The following PAPPA variants were observed in gnomAD, a reference collection of about 807,000 sequenced individuals.
PAPPA encodes the protein pappalysin 1.
A neutral mutation model predicts 164.0 loss-of-function variants in PAPPA; 60 were observed. The ratio of observed to expected loss-of-function variants is 0.37; its 90% CI spans 0.30 to 0.45. The LOEUF is 0.45. PAPPA is among the 20% of genes least tolerant of loss of function. The probability of loss-of-function intolerance (pLI) is 1.00; values close to 1 mark genes in which losing one functional copy is unlikely to be tolerated. For synonymous variants in PAPPA, 875 were observed against 814.1 expected (o/e 1.07, Z -1.27); for missense variants, 1,782 against 2,087.3 (o/e 0.85, Z 2.85).
rs1347391656 is a variant in PAPPA at position 116,356,153 on chromosome 9, T to C, written c.4347+2360T>C. ...CTAAAAGCAAATAAAAACCTGACTT[T>C]ATTCATTCCTTGGGAGCCAGTATGA... On this transcript the variant is annotated intron_variant, in intron 17 of 21. Coordinates refer to ENST00000328252, the MANE Select transcript of PAPPA (RefSeq NM_002581.5). Among the ~76,000 whole-genome samples, 5 of 152,352 alleles carry C rather than the reference T, an allele frequency of 3.3e-5. No homozygotes were observed. The East Asian group carries it at 9.6e-4, about 29-fold the overall frequency.
intron 1 of PAPPA, among the ~76,000 whole-genome samples, chr9:116,162,753 G>A (rs1039895705): frequency 3.9e-5 from 6 of 152,164 alleles, no homozygotes; most frequent in African/African-American, 1.4e-4. Flanking sequence ...ATGTGTGCCA[G>A]CCATTGCCAC....
chr9:116,222,624 A>G (rs1273635868), intron 5 of PAPPA, among the ~76,000 whole-genome samples: 1 of 152,130 alleles, frequency 6.6e-6, no homozygotes, highest in Non-Finnish European at 1.5e-5. Context: ...GATCTCACGT[A>G]TATGTGGAAT....
chr9:116,244,779 A>G (rs1462311315), intron 7 of PAPPA, among the ~76,000 whole-genome samples: 2 of 152,224 alleles, frequency 1.3e-5, no homozygotes, highest in Admixed American at 6.5e-5. Flanking sequence ...AACTACAAAT[A>G]GAACTACTGT....
intron 2 of PAPPA, among the ~76,000 whole-genome samples, chr9:116,202,933 C>T (rs914709381): frequency 7.2e-5 from 11 of 152,110 alleles, no homozygotes; most frequent in East Asian, 3.9e-4. Context: ...AAATTTAGCC[C>T]TCTGTAGACC....
intron 10 of PAPPA, among the ~76,000 whole-genome samples, chr9:116,329,026 A>T (rs759739254): frequency 3.9e-5 from 6 of 152,242 alleles, no homozygotes; most frequent in Non-Finnish European, 7.3e-5. Flanking sequence ...TGCTTTGATT[A>T]GTGTCTCATT....
At chr9:116,390,112 C>T (rs1846871527) in intron 21 of PAPPA, among the ~76,000 whole-genome samples, 1 of 152,094 alleles carries the variant, frequency 6.6e-6, no homozygotes, top group South Asian at 2.1e-4. Context: ...GAACTTGGTC[C>T]CAGCTGAATG....
intron 14 of PAPPA, among the ~76,000 whole-genome samples, chr9:116,346,025 G>A (rs2118979595): frequency 6.6e-6 from 1 of 152,302 alleles, no homozygotes; most frequent in East Asian, 1.9e-4. Context: ...CTACTTCCGT[G>A]TGTCAGACTT....
chr9:116,324,734 C>T (rs1845900714), intron 10 of PAPPA, among the ~76,000 whole-genome samples: 1 of 152,074 alleles, frequency 6.6e-6, no homozygotes, highest in Admixed American at 6.6e-5. Context: ...ACAAAATGGG[C>T]AATGCAGCGG....
At chr9:116,244,294 C>T (rs1844771035) in intron 7 of PAPPA, among the ~76,000 whole-genome samples, 1 of 152,152 alleles carries the variant, frequency 6.6e-6, no homozygotes, top group South Asian at 2.1e-4. Context: ...CACTACTAAA[C>T]TTTGTAGTAA....
At chr9:116,176,968 C>G (rs537855975) in intron 1 of PAPPA, among the ~76,000 whole-genome samples, 1 of 82,708 alleles carries the variant, frequency 1.2e-5, no homozygotes, top group Admixed American at 1.1e-4. Flanking sequence ...AGGAAAGACC[C>G]CCCCCCCCAA....
intron 17 of PAPPA, among the ~76,000 whole-genome samples, chr9:116,358,614 T>C (rs1846383254): frequency 6.6e-6 from 1 of 152,242 alleles, no homozygotes; most frequent in Non-Finnish European, 1.5e-5. Context: ...GCTCCTGCAC[T>C]CACTGCCTGG....
At chr9:116,171,966 A>G (rs1244282897) in intron 1 of PAPPA, among the ~76,000 whole-genome samples, 3 of 152,178 alleles carry the variant, frequency 2.0e-5, no homozygotes, top group African/African-American at 4.8e-5. Context: ...GCCTTTTTCT[A>G]AGGTTTCATC....
rs1015403579 is a variant in PAPPA, at chr9:116,248,150, G to A, written c.2732+12513G>A. ...ACACACACACATCAAGCAGTTTCCC[G>A]TAAACTCTACCAGGAGTTGCTATGC... On this transcript the variant is annotated intron_variant, in intron 7 of 21. Transcript: ENST00000328252. Among the ~76,000 whole-genome samples the A allele has an allele frequency of 2.2e-4, 34 of 152,274 alleles. 1 individual carries two copies. The highest frequency in any genetic ancestry group is 1.1e-3 in the Admixed American group (17 of 15,292).
At position 116,399,978 on chromosome 9, in the gene PAPPA, G is replaced by T. The variant is rs1588036794; in HGVS notation, c.*3362G>T. ...CTCCCTTCCAGGTTCGATTTAACTT[G>T]GTTGTAATTGTCAATTTGTTGTTAT... On this transcript the variant is annotated 3_prime_UTR_variant, in exon 22 of 22. Coordinates refer to ENST00000328252, the MANE Select transcript of PAPPA (RefSeq NM_002581.5). 2 of 152,428 alleles carry T rather than the reference G, an allele frequency of 1.3e-5. No individual in the cohort carries two copies. The highest frequency in any genetic ancestry group is 4.1e-4 in the South Asian group (2 of 4,830). 9.4% of individuals were successfully genotyped at this position (152,428 alleles called of 1,614,324 possible). A position where few individuals can be genotyped will look rare whatever the true frequency, so the allele number is the denominator to read the frequency against.
At chr9:116,384,993 C>T (rs942153784) in intron 21 of PAPPA, among the ~76,000 whole-genome samples, 1 of 151,958 alleles carries the variant, frequency 6.6e-6, no homozygotes, top group Admixed American at 6.6e-5. Context: ...AAAATGGATT[C>T]CTCTCTCTAC....
chr9:116,163,665 A>G (rs1475056686), intron 1 of PAPPA, among the ~76,000 whole-genome samples: 1 of 152,088 alleles, frequency 6.6e-6, no homozygotes, highest in Non-Finnish European at 1.5e-5. Flanking sequence ...TTTCTGGTGT[A>G]TTTTCCTCCA....
chr9:116,251,160 A>G (rs1844855581), intron 7 of PAPPA, among the ~76,000 whole-genome samples: 1 of 152,238 alleles, frequency 6.6e-6, no homozygotes, highest in Admixed American at 6.5e-5. Context: ...AAAAGAGCTC[A>G]GAAGACTTCG....
At chr9:116,239,672 T>C (rs538319355) in intron 7 of PAPPA, among the ~76,000 whole-genome samples, 256 of 152,226 alleles carry the variant, frequency 1.7e-3, no homozygotes, top group Non-Finnish European at 3.2e-3. Context: ...CAGAGAGTAA[T>C]TAAACTAACC....
chr9:116,268,975 G>A (rs1189435401), intron 8 of PAPPA, among the ~76,000 whole-genome samples: 3 of 152,108 alleles, frequency 2.0e-5, no homozygotes, highest in Admixed American at 6.5e-5. Context: ...AATATGGATA[G>A]ACTCAGCACT....
Sources: allele counts gnomAD v4.1 joint callset (sites outside exome capture counted in the v4.1 genomes callset), GRCh38; gene constraint gnomAD v4.1.1; transcripts MANE v1.5; gene names NCBI Gene and HGNC (gene_info 2026-07-23, HGNC 2026-07-21).